Variants in RBFOX1 observed in about 807,000 individuals in gnomAD.
RBFOX1 encodes RNA binding protein fox-1 homolog 1.
A neutral mutation model predicts 57.7 loss-of-function variants in RBFOX1; 8 were observed. That is an observed-to-expected ratio of 0.14 (90% confidence interval 0.08 to 0.25). The LOEUF (loss-of-function observed/expected upper bound fraction) is 0.25. Among genes scored for constraint, RBFOX1 ranks in the 10% least tolerant of loss-of-function variants. The pLI, the probability that RBFOX1 is intolerant of heterozygous loss-of-function variation, is 1.00. For missense variants in RBFOX1, 611 were observed against 548.5 expected (o/e 1.11, Z -1.14); for synonymous variants, 326 against 222.4 (o/e 1.47, Z -4.15).
chr16:6,619,563 G>A (rs2098195537), intron 2 of RBFOX1, among the ~76,000 whole-genome samples: 1 of 151,976 alleles, frequency 6.6e-6, no homozygotes, highest in South Asian at 2.1e-4. Flanking sequence ...AAAATAAGAA[G>A]GACTTATTCA....
chr16:7,128,955 G>C (rs922060119), intron 4 of RBFOX1, among the ~76,000 whole-genome samples: 1 of 151,472 alleles, frequency 6.6e-6, no homozygotes, highest in African/African-American at 2.4e-5. Context: ...CAAGTAGCTG[G>C]GACTACAGGT....
chr16:5,736,795 A>G (rs1488876528), intron 3 of RBFOX1, among the ~76,000 whole-genome samples: 1 of 146,678 alleles, frequency 6.8e-6, no homozygotes, highest in African/African-American at 2.5e-5. Flanking sequence ...GTGTCTGTGA[A>G]TTTGTCTTTG....
intron 2 of RBFOX1, among the ~76,000 whole-genome samples, chr16:5,596,241 C>G (rs1046311494): frequency 2.0e-5 from 3 of 152,188 alleles, no homozygotes; most frequent in African/African-American, 7.2e-5. Flanking sequence ...TGAGTCCTAA[C>G]TTGTCTATTT....
chr16:6,837,354 G>C (rs913920425), intron 3 of RBFOX1, among the ~76,000 whole-genome samples: 1 of 152,178 alleles, frequency 6.6e-6, no homozygotes. Flanking sequence ...TAAGGAAGTG[G>C]AGTCAGAGTT....
intron 1 of RBFOX1, among the ~76,000 whole-genome samples, chr16:5,375,085 CAAAAAAAAAAA>C (rs576765968): frequency 1.0e-3 from 37 of 37,108 alleles, no homozygotes; most frequent in South Asian, 6.0e-3. Context: ...TTTAAATGGC[CAAAAAAAAAAA>C]AAAAAAAAAA....
intron 4 of RBFOX1, among the ~76,000 whole-genome samples, chr16:5,986,359 C>G (rs567063275): frequency 1.2e-3 from 187 of 152,336 alleles, no homozygotes; most frequent in African/African-American, 4.2e-3. Context: ...CCATCGCGTC[C>G]AGACTGTTGA....
At chr16:5,519,497 G>T (rs927545966) in intron 2 of RBFOX1, among the ~76,000 whole-genome samples, 1 of 152,212 alleles carries the variant, frequency 6.6e-6, no homozygotes, top group African/African-American at 2.4e-5. Context: ...GCTGAGATGG[G>T]AGGATCACTT....
chr16:5,382,361 A>T (rs1165017142), intron 1 of RBFOX1, among the ~76,000 whole-genome samples: 1 of 150,934 alleles, frequency 6.6e-6, no homozygotes, highest in African/African-American at 2.4e-5. Context: ...ACTTGTTTGC[A>T]TTTAGTGCTA....
chr16:6,995,847 A>G (rs975215223), intron 3 of RBFOX1, among the ~76,000 whole-genome samples: 1 of 152,200 alleles, frequency 6.6e-6, no homozygotes, highest in Non-Finnish European at 1.5e-5. Context: ...TTCAGATTTT[A>G]TAACTCAACA....
intron 2 of RBFOX1, among the ~76,000 whole-genome samples, chr16:5,492,074 C>T (rs995862948): frequency 5.3e-5 from 8 of 152,154 alleles, no homozygotes; most frequent in East Asian, 1.9e-4. Context: ...TGCACACTCT[C>T]GGGCTCTGTC....
At chr16:6,913,135 G>T (rs909408017) in intron 3 of RBFOX1, among the ~76,000 whole-genome samples, 3 of 151,522 alleles carry the variant, frequency 2.0e-5, no homozygotes, top group African/African-American at 7.3e-5. Flanking sequence ...GGCTGAAGAA[G>T]ACACGTTTTT....
At chr16:6,377,035 G>A (rs2091263938) in intron 2 of RBFOX1, among the ~76,000 whole-genome samples, 1 of 151,960 alleles carries the variant, frequency 6.6e-6, no homozygotes, top group Non-Finnish European at 1.5e-5. Context: ...ACTTTGGGAG[G>A]CTGAGGCAGG....
chr16:7,034,841 C>CTTTTTCTTTTTTTTTTTTTT (rs1424741274), intron 3 of RBFOX1, among the ~76,000 whole-genome samples: 2 of 39,166 alleles, frequency 5.1e-5, no homozygotes, highest in African/African-American at 2.4e-4. Context: ...TTTTTTTTTT[C>CTTTTTCTTTTTTTTTTTTTT]TTTTTTCTTT....
chr16:7,120,652 C>G (rs2066903751), intron 4 of RBFOX1, among the ~76,000 whole-genome samples: 2 of 146,672 alleles, frequency 1.4e-5, no homozygotes, highest in South Asian at 4.3e-4. Flanking sequence ...TTTTCAGACA[C>G]AAATGGTTTC....
At chr16:6,854,591 T>A (rs2057459858) in intron 3 of RBFOX1, among the ~76,000 whole-genome samples, 1 of 128,516 alleles carries the variant, frequency 7.8e-6, no homozygotes, top group South Asian at 2.8e-4. Context: ...AGGTGAATTT[T>A]TTTTTTTTTT....
intron 4 of RBFOX1, among the ~76,000 whole-genome samples, chr16:7,303,420 A>T (rs114850075): frequency 0.047 from 7,192 of 152,212 alleles, 579 homozygotes; most frequent in African/African-American, 0.16. Flanking sequence ...CACCGCCACC[A>T]ACATCTACCA....
At chr16:5,852,224 C>T (rs1053277096) in intron 3 of RBFOX1, among the ~76,000 whole-genome samples, 2 of 152,126 alleles carry the variant, frequency 1.3e-5, no homozygotes, top group Non-Finnish European at 2.9e-5. Flanking sequence ...CTAGCCTTTG[C>T]CCATGCTGTC....
chr16:5,587,280 G>C (rs748483306), intron 2 of RBFOX1, among the ~76,000 whole-genome samples: 4 of 152,196 alleles, frequency 2.6e-5, no homozygotes, highest in African/African-American at 4.8e-5. Flanking sequence ...TGTCCGAATA[G>C]ACATTCCTCC....
chr16:7,486,223 A>C (rs1452939087), intron 4 of RBFOX1, among the ~76,000 whole-genome samples: 1 of 148,582 alleles, frequency 6.7e-6, no homozygotes, highest in African/African-American at 2.5e-5. Flanking sequence ...CCCGGGTTCA[A>C]GTGATTCTCC....
Sources: gnomAD v4.1 joint callset for allele counts (sites outside exome capture counted in the v4.1 genomes callset) on GRCh38, gnomAD v4.1.1 for gene constraint, MANE v1.5 for transcripts, NCBI Gene and HGNC (gene_info 2026-07-23, HGNC 2026-07-21) for gene names.